JPH1: variants seen among roughly 807,000 people sequenced by gnomAD.
JPH1 encodes the protein junctophilin-1.
Under a neutral mutation model 53.6 loss-of-function variants are expected in JPH1, and 12 were observed. The observed-to-expected ratio is 0.22, with a 90% CI of 0.14 to 0.36. The LOEUF (loss-of-function observed/expected upper bound fraction) is 0.36, where lower values mean the gene tolerates loss of function less well. Ranked by LOEUF, JPH1 falls within the 10% of genes least tolerant of loss-of-function variation. The pLI, the probability that JPH1 is intolerant of heterozygous loss-of-function variation, is 1.00. For missense variants in JPH1, 808 were observed against 905.5 expected (o/e 0.89, Z 1.38); for synonymous variants, 375 against 363.8 (o/e 1.03, Z -0.35).
chr8:74,276,636 A>G (rs1300933524), intron 2 of JPH1, among the ~76,000 whole-genome samples: 1 of 152,240 alleles, frequency 6.6e-6, no homozygotes, highest in Non-Finnish European at 1.5e-5. Flanking sequence ...AACATCTGTC[A>G]TCTACCTTGG....
rs376817018 is a variant in JPH1, at chr8:74,235,477, T to C, written c.*1574A>G. On this transcript the variant is annotated 3_prime_UTR_variant, in exon 6 of 6. Coordinates refer to ENST00000342232, the MANE Select transcript of JPH1 (RefSeq NM_020647.4). ...ATTGTGTGAACTGTCTCTTCTCCAT[T>C]GAAAAGGTAGCTAATATGGTGTAAA... is the stretch of plus-strand genomic sequence containing the variant. 125 of 145,394 alleles carry C rather than the reference T, an allele frequency of 8.6e-4. 1 individual carries two copies. Among genetic ancestry groups the C allele is most frequent in the African/African-American group, 3.2e-3 (122 of 38,344 alleles). The allele number at this position is 145,394 out of a possible 1,614,324, so 9.0% of individuals were successfully genotyped here.
At chr8:74,287,581 G>A (rs1471216686) in intron 2 of JPH1, among the ~76,000 whole-genome samples, 1 of 151,774 alleles carries the variant, frequency 6.6e-6, no homozygotes, top group African/African-American at 2.4e-5. Context: ...CTTTTTCTTA[G>A]AATTCTTGAA....
chr8:74,267,540 A>G (rs78556882), intron 2 of JPH1, among the ~76,000 whole-genome samples: 10,672 of 152,216 alleles, frequency 0.07, 958 homozygotes, highest in African/African-American at 0.2. Context: ...GGAGAAGGTG[A>G]GGGCTAGGGA....
rs1306762306 is a variant in JPH1 at position 74,315,238 on chromosome 8, G to GA, written c.761_762insT (p.Ser255LeufsTer11). The GA allele has an allele frequency of 6.2e-7, 1 of 1,614,214 alleles. No individual in the cohort carries two copies. The highest frequency in any genetic ancestry group is 2.2e-5 in the East Asian group (1 of 44,872). ...CTACATCGCCAAAGCTGATCGTGGAGTTGGCATCGCTGGAACTAATTCTGC... is the reference window on the plus strand; with the variant it reads ...CTACATCGCCAAAGCTGATCGTGGAGATTGGCATCGCTGGAACTAATTCTGC... On this transcript the variant is annotated frameshift_variant, in exon 2 of 6. Transcript: ENST00000342232. LOFTEE classifies it high-confidence loss of function. The surrounding 1 kb of genome is among the most constrained non-coding windows in gnomAD (Gnocchi z 6.3).
At chr8:74,311,486 G>T (rs1210282313) in intron 2 of JPH1, among the ~76,000 whole-genome samples, 2 of 151,736 alleles carry the variant, frequency 1.3e-5, no homozygotes, top group Admixed American at 1.3e-4. Flanking sequence ...AATCTTAAAA[G>T]AATCTTTTCT....
chr8:74,256,532 T>TA (rs56307957), intron 3 of JPH1, among the ~76,000 whole-genome samples: 11,033 of 135,812 alleles, frequency 0.081, 1,229 homozygotes, highest in African/African-American at 0.27. Flanking sequence ...CCCTAAAACT[T>TA]AAAAAAAAAA....
chr8:74,298,032 A>G (rs1807571128), intron 2 of JPH1, among the ~76,000 whole-genome samples: 1 of 152,194 alleles, frequency 6.6e-6, no homozygotes, highest in Non-Finnish European at 1.5e-5. Flanking sequence ...AGATTTCTCT[A>G]TTCCAGCCCC....
rs117908339 is a variant in JPH1, at chr8:74,284,408, T to C, written c.1140-24905A>G. 3.3e-5 allele frequency among the ~76,000 whole-genome samples: 5 copies of C among 152,248 alleles called. No homozygotes were observed. In the East Asian group the frequency reaches 9.6e-4, roughly 29 times the overall value. ...TGTATGTCAGCTAGCTAGCCTGTAT[T>C]CCGGTCAAACGCTGATAAGGCTCAC... is the stretch of plus-strand genomic sequence containing the variant. On this transcript the variant is annotated intron_variant, in intron 2 of 5. Coordinates refer to ENST00000342232, the MANE Select transcript of JPH1 (RefSeq NM_020647.4).
At position 74,246,221 on chromosome 8, in the gene JPH1, T is replaced by C. The variant is rs565453312; in HGVS notation, c.1259-1046A>G. 1.6e-4 allele frequency among the ~76,000 whole-genome samples: 24 copies of C among 152,224 alleles called. 1 individual carries two copies. The highest frequency in any genetic ancestry group is 1.5e-3 in the Admixed American group (23 of 15,288). ...CACAAATGGGCAGAAGCTGACAATG[T>C]CTCTTGAGTATACATGGAAGACACT... On this transcript the variant is annotated intron_variant, in intron 3 of 5. Coordinates refer to ENST00000342232, the MANE Select transcript of JPH1 (RefSeq NM_020647.4).
At position 74,320,939 on chromosome 8, in the gene JPH1, C is replaced by T. The variant is rs1463150934; in HGVS notation, c.349G>A (p.Gly117Arg). ...EGTWSNGLQD[G>R]YGVETYGDGG... ...TCCCCGTAGGTCTCCACGCCGTACC[C>T]GTCTTGCAGCCCGTTACTCCAGGTA... Residue 117 changes from glycine (G) to arginine (R), a missense_variant, in exon 1 of 6, where the codon GGG becomes AGG. Gly to Arg is a moderately radical substitution (Grantham distance 125). Coordinates refer to ENST00000342232, the MANE Select transcript of JPH1 (RefSeq NM_020647.4). This position sits in a 1 kb window ranked among gnomAD's most constrained non-coding sequence, Gnocchi z 4.4. The T allele has an allele frequency of 6.3e-7, 1 of 1,596,070 alleles. No homozygotes were observed. Among genetic ancestry groups the T allele is most frequent in the Admixed American group, 1.7e-5 (1 of 58,230 alleles).
Position 74,259,464 on chromosome 8 carries a change from C to T in JPH1, c.1179G>A (p.Gln393=). The change falls in exon 3 of 6, where the codon CAG becomes CAA. Residue 393 remains glutamine, a synonymous_variant. Coordinates refer to ENST00000342232, the MANE Select transcript of JPH1 (RefSeq NM_020647.4). ...HARAKADAAD[Q]AALAARQECD... is the part of the protein sequence containing the mutation. ...ACTCCTGGCGAGCGGCCAGCGCGGC[C>T]TGGTCGGCGGCATCGGCCTTCGCTC... 2.5e-6 allele frequency: 4 copies of T among 1,613,028 alleles called. No homozygotes were observed. Among genetic ancestry groups the T allele is most frequent in the Non-Finnish European group, 3.4e-6 (4 of 1,179,370 alleles).
Position 74,320,294 on chromosome 8 carries a change from G to A in JPH1, c.379+615C>T, listed in dbSNP as rs868857561. 6.6e-6 allele frequency among the ~76,000 whole-genome samples: 1 copy of A among 152,266 alleles called. No homozygotes were observed. Among genetic ancestry groups the A allele is most frequent in the Middle Eastern group, 3.4e-3 (1 of 294 alleles). On this transcript the variant is annotated intron_variant, in intron 1 of 5. Transcript: ENST00000342232. The surrounding 1 kb of genome is among the most constrained non-coding windows in gnomAD (Gnocchi z 4.4). ...ACACTCTGAACTCCACCTGCATCAG[G>A]TGGCCTTTCTGCTCCCATAACTAGG... is the stretch of plus-strand genomic sequence containing the variant.
Position 74,321,320 on chromosome 8 carries a change from G to GGC in JPH1, c.-35_-34dup, listed in dbSNP as rs1808319669. ...GCAGCCCCGGCGCGCTCCCCGCAGGGGCACGGACGCGGGCAGTGCTGGGCA... is the reference window on the plus strand; with the variant it reads ...GCAGCCCCGGCGCGCTCCCCGCAGGGGCGCACGGACGCGGGCAGTGCTGGGCA... On this transcript the variant is annotated 5_prime_UTR_variant, in exon 1 of 6. Coordinates refer to ENST00000342232, the MANE Select transcript of JPH1 (RefSeq NM_020647.4). The surrounding 1 kb of genome is among the most constrained non-coding windows in gnomAD (Gnocchi z 4.3). The GGC allele has an allele frequency of 6.7e-7, 1 of 1,501,192 alleles. No individual in the cohort carries two copies. Among genetic ancestry groups the GGC allele is most frequent in the East Asian group, 2.5e-5 (1 of 40,758 alleles). 93.0% of individuals were successfully genotyped at this position (1,501,192 alleles called of 1,614,324 possible).
Position 74,315,763 on chromosome 8 carries a change from A to C in JPH1, c.380-143T>G. 2.7e-6 allele frequency: 2 copies of C among 747,946 alleles called. No individual in the cohort carries two copies. Among genetic ancestry groups the C allele is most frequent in the Non-Finnish European group, 4.0e-6 (2 of 497,524 alleles). The allele number at this position is 747,946 out of a possible 1,614,324, so 46.3% of individuals were successfully genotyped here. ...CAACCCTGGGGGATACTTTGCATCC[A>C]CTTGTGAATCCCCGCCCTGTAATTT... On this transcript the variant is annotated intron_variant, in intron 1 of 5. Transcript: ENST00000342232. The surrounding 1 kb of genome is among the most constrained non-coding windows in gnomAD (Gnocchi z 6.3).
intron 2 of JPH1, among the ~76,000 whole-genome samples, chr8:74,272,304 C>A (rs1419740594): frequency 2.0e-5 from 3 of 152,190 alleles, no homozygotes; most frequent in Non-Finnish European, 4.4e-5. Flanking sequence ...ACAGGTAATT[C>A]TGCCTAGTTC....
chr8:74,252,465 G>T (rs570207784), intron 3 of JPH1, among the ~76,000 whole-genome samples: 33 of 151,944 alleles, frequency 2.2e-4, no homozygotes, highest in Non-Finnish European at 4.1e-4. Context: ...AGAACTCAAG[G>T]CTAGGAAGAA....
chr8:74,278,448 A>C (rs1221011174), intron 2 of JPH1, among the ~76,000 whole-genome samples: 1 of 152,220 alleles, frequency 6.6e-6, no homozygotes, highest in East Asian at 1.9e-4. Flanking sequence ...GTGATCCACT[A>C]GCAAAATTTT....
At chr8:74,241,042 C>T (rs1342068196) in intron 4 of JPH1, among the ~76,000 whole-genome samples, 1 of 152,124 alleles carries the variant, frequency 6.6e-6, no homozygotes, top group Non-Finnish European at 1.5e-5. Flanking sequence ...ATGAAAAATA[C>T]ATACATATAT....
At chr8:74,298,043 C>T (rs2131442625) in intron 2 of JPH1, among the ~76,000 whole-genome samples, 1 of 152,338 alleles carries the variant, frequency 6.6e-6, no homozygotes, top group Admixed American at 6.5e-5. Flanking sequence ...TTCCAGCCCC[C>T]TCTACTCACT....
Sources: gnomAD v4.1 joint callset for allele counts (sites outside exome capture counted in the v4.1 genomes callset) on GRCh38, gnomAD v4.1.1 for gene constraint, Gnocchi (gnomAD v3.1) non-coding constraint, MANE v1.5 for transcripts, NCBI Gene and HGNC (gene_info 2026-07-23, HGNC 2026-07-21) for gene names.